PCED1B: variants seen among roughly 807,000 people sequenced by gnomAD.
The protein encoded by PCED1B is PC-esterase domain-containing protein 1B.
For synonymous variants in PCED1B, 251 were observed against 246.1 expected, an observed-to-expected ratio of 1.02 and a Z score of -0.19; for missense variants, 573 against 573.9, an observed-to-expected ratio of 1.00 and a Z score of 0.02.
chr12:47,089,777 T>G (rs1213864987), intron 1 of PCED1B, among the ~76,000 whole-genome samples: 1 of 151,182 alleles, frequency 6.6e-6, no homozygotes, highest in African/African-American at 2.5e-5. Context: ...ATCAGTGAAG[T>G]CTCTCTCTTT....
chr12:47,161,573 A>C (rs1371092879), intron 2 of PCED1B, among the ~76,000 whole-genome samples: 2 of 152,196 alleles, frequency 1.3e-5, no homozygotes, highest in Non-Finnish European at 2.9e-5. Context: ...ATACCTTCTC[A>C]CACCAGTTAG....
intron 2 of PCED1B, among the ~76,000 whole-genome samples, chr12:47,113,861 T>A (rs1447964689): frequency 6.6e-6 from 1 of 151,754 alleles, no homozygotes; most frequent in South Asian, 2.1e-4. Context: ...AATACAAAAA[T>A]TAGCTGGGTG....
In PCED1B at chr12:47,085,995, G is replaced by A. The variant is rs980092111; in HGVS notation, c.-609+6270G>A. 4.6e-5 allele frequency among the ~76,000 whole-genome samples: 7 copies of A among 152,124 alleles called. No individual in the cohort carries two copies. The East Asian group carries it at 1.3e-3, about 29-fold the overall frequency. Reference sequence around the variant, plus strand: ...TGCTTTAGCTCTGCATTGTTTATTCGGCGGATATTTACTGAGCGCCCACTG... The same window carrying A: ...TGCTTTAGCTCTGCATTGTTTATTCAGCGGATATTTACTGAGCGCCCACTG... On this transcript the variant is annotated intron_variant, in intron 1 of 3. Coordinates refer to ENST00000546455, the MANE Select transcript of PCED1B (RefSeq NM_138371.3).
At chr12:47,106,839 C>A (rs964985292) in intron 2 of PCED1B, among the ~76,000 whole-genome samples, 3 of 152,046 alleles carry the variant, frequency 2.0e-5, no homozygotes, top group Admixed American at 1.3e-4. Flanking sequence ...AATTGCTTTC[C>A]TCCACCTCTG....
chr12:47,234,980 C>T, intron 3 of PCED1B, 27 bp from the exon 4 acceptor site: 2 of 1,346,176 alleles, frequency 1.5e-6, no homozygotes, highest in Non-Finnish European at 2.0e-6. Context: ...GTGAGTCCCT[C>T]CCAGCCCTTC....
At chr12:47,098,385 A>G (rs1193779262) in intron 1 of PCED1B, among the ~76,000 whole-genome samples, 1 of 152,252 alleles carries the variant, frequency 6.6e-6, no homozygotes, top group Non-Finnish European at 1.5e-5. Context: ...TTATAAATAG[A>G]CAAAGCCAAA....
chr12:47,217,472 G>GGAAAGAAAGAAAA (rs1943312813), intron 3 of PCED1B, among the ~76,000 whole-genome samples: 1 of 49,630 alleles, frequency 2.0e-5, no homozygotes, highest in African/African-American at 1.0e-4. Flanking sequence ...GAAAGAAAGA[G>GGAAAGAAAGAAAA]AAAGAAAGAA....
intron 2 of PCED1B, among the ~76,000 whole-genome samples, chr12:47,208,143 G>A (rs961851351): frequency 3.9e-5 from 6 of 152,124 alleles, no homozygotes; most frequent in African/African-American, 1.4e-4. Context: ...AGGTGTCAAG[G>A]TCTCTGAACC....
intron 2 of PCED1B, among the ~76,000 whole-genome samples, chr12:47,121,011 G>C (rs1038236077): frequency 4.6e-5 from 7 of 152,194 alleles, no homozygotes; most frequent in Middle Eastern, 3.4e-3. Flanking sequence ...TATAGAAAAG[G>C]GACATAGCTA....
At chr12:47,174,158 C>T (rs1941844364) in intron 2 of PCED1B, among the ~76,000 whole-genome samples, 1 of 152,068 alleles carries the variant, frequency 6.6e-6, no homozygotes, top group Admixed American at 6.5e-5. Context: ...CCTGTAATCC[C>T]AGCACTTTGG....
intron 2 of PCED1B, among the ~76,000 whole-genome samples, chr12:47,198,624 G>C (rs2137695072): frequency 6.6e-6 from 1 of 152,058 alleles, no homozygotes; most frequent in East Asian, 1.9e-4. Flanking sequence ...GGATTGAGAA[G>C]GAAGAAAGAA....
At chr12:47,121,905 G>A (rs913012471) in intron 2 of PCED1B, among the ~76,000 whole-genome samples, 23 of 151,754 alleles carry the variant, frequency 1.5e-4, no homozygotes, top group Non-Finnish European at 3.2e-4. Flanking sequence ...GGTGGTGGGC[G>A]CCTGTAATCC....
At chr12:47,178,205 GACA>G (rs767847941) in intron 2 of PCED1B, among the ~76,000 whole-genome samples, 5 of 152,184 alleles carry the variant, frequency 3.3e-5, no homozygotes, top group Non-Finnish European at 7.3e-5. Flanking sequence ...CTTTGGCGTA[GACA>G]CCAGCATCCT....
At chr12:47,221,184 GA>G (rs1943466065) in intron 3 of PCED1B, among the ~76,000 whole-genome samples, 1 of 152,052 alleles carries the variant, frequency 6.6e-6, no homozygotes, top group Non-Finnish European at 1.5e-5. Context: ...AAAATTGGGG[GA>G]AAGTAAAATA....
chr12:47,202,594 T>TAAAAAAAAAAAAAAAAAAAAA (rs60769675), intron 2 of PCED1B, among the ~76,000 whole-genome samples: 1 of 66,676 alleles, frequency 1.5e-5, no homozygotes, highest in Non-Finnish European at 2.9e-5. Context: ...TAGACATTAG[T>TAAAAAAAAAAAAAAAAAAAAA]AAAAAAAAAA....
At chr12:47,084,392 A>T (rs576475712) in intron 1 of PCED1B, among the ~76,000 whole-genome samples, 1 of 152,320 alleles carries the variant, frequency 6.6e-6, no homozygotes, top group African/African-American at 2.4e-5. Context: ...GGCAAACTGA[A>T]CCATCATAAG....
intron 2 of PCED1B, among the ~76,000 whole-genome samples, chr12:47,189,398 G>A (rs1015154311): frequency 1.3e-5 from 2 of 152,194 alleles, no homozygotes; most frequent in African/African-American, 2.4e-5. Flanking sequence ...CGTGAATGGA[G>A]AGGTGCAGCC....
chr12:47,171,835 T>G (rs28458307), intron 2 of PCED1B, among the ~76,000 whole-genome samples: 4,142 of 151,966 alleles, frequency 0.027, 122 homozygotes, highest in Non-Finnish European at 0.037. Context: ...TTCTTCTTCT[T>G]CTGCTGCTGC....
intron 1 of PCED1B, among the ~76,000 whole-genome samples, chr12:47,095,870 C>T (rs1401119784): frequency 2.4e-5 from 3 of 125,942 alleles, no homozygotes; most frequent in Non-Finnish European, 3.6e-5. Flanking sequence ...TCTGGTAACT[C>T]CAACTTTTGG....
Sources: gnomAD v4.1 joint callset for allele counts (sites outside exome capture counted in the v4.1 genomes callset) on GRCh38, gnomAD v4.1.1 for gene constraint, MANE v1.5 for transcripts, NCBI Gene and HGNC (gene_info 2026-07-23, HGNC 2026-07-21) for gene names.